The following AGMO variants were observed in gnomAD, a reference collection of about 807,000 sequenced individuals.
AGMO encodes the protein glyceryl-ether monooxygenase.
A neutral mutation model predicts 60.2 loss-of-function variants in AGMO; 75 were observed. That is an observed-to-expected ratio of 1.25 (90% CI 1.03 to 1.51). The LOEUF (loss-of-function observed/expected upper bound fraction) is 1.51. Ranked by LOEUF, AGMO falls within the 40% of genes most tolerant of loss-of-function variation. The pLI is 0.00. For missense variants in AGMO, 763 were observed against 525.5 expected, an observed-to-expected ratio of 1.45 and a Z score of -4.42; for synonymous variants, 261 against 177.1, an observed-to-expected ratio of 1.47 and a Z score of -3.76.
intron 12 of AGMO, among the ~76,000 whole-genome samples, chr7:15,299,867 ACACACACACACACACACAC>A (rs1563075534): frequency 1.8e-4 from 27 of 151,188 alleles, no homozygotes; most frequent in South Asian, 6.3e-4. Context: ...ACACACACAC[ACACACACACACACACACAC>A]AGTATGTTTT....
chr7:15,486,117 G>C (rs1312378079), intron 3 of AGMO, among the ~76,000 whole-genome samples: 2 of 152,106 alleles, frequency 1.3e-5, no homozygotes, highest in East Asian at 3.9e-4. Flanking sequence ...ATAACATTTG[G>C]AGATAACGCA....
chr7:15,544,389 A>C (rs975056222), intron 3 of AGMO, among the ~76,000 whole-genome samples: 1 of 152,084 alleles, frequency 6.6e-6, no homozygotes, highest in African/African-American at 2.4e-5. Flanking sequence ...AAACACAAAC[A>C]AAAAAACCTT....
chr7:15,172,285 C>T, the AGMO span, among the ~76,000 whole-genome samples: 1 of 152,216 alleles, frequency 6.6e-6, no homozygotes, highest in South Asian at 2.1e-4. Flanking sequence ...CGTCCCCAGA[C>T]ATCAAGTGAA....
rs932785469 is a variant in AGMO, at chr7:15,465,578, C to T, written c.410-34470G>A. Among the ~76,000 whole-genome samples the T allele has an allele frequency of 5.6e-5, 8 of 143,984 alleles. No individual in the cohort carries two copies. In the Middle Eastern group the frequency reaches 0.014, roughly 261 times the overall value. 94.5% of individuals were successfully genotyped at this position (143,984 alleles called of 152,430 possible). A position where few individuals can be genotyped will look rare whatever the true frequency, so the allele number is the denominator to read the frequency against. On this transcript the variant is annotated intron_variant, in intron 3 of 12. Coordinates refer to ENST00000342526, the MANE Select transcript of AGMO (RefSeq NM_001004320.2). ...CTCGGACCACAGGCACGTGCTACCA[C>T]GTCCGGCTAATTATATATATATATT...
At chr7:15,159,151 AG>A in the AGMO span, among the ~76,000 whole-genome samples, 4 of 152,166 alleles carry the variant, frequency 2.6e-5, no homozygotes, top group African/African-American at 9.7e-5. Context: ...ACAAAAGTAC[AG>A]GTCCCTCAAC....
intron 5 of AGMO, among the ~76,000 whole-genome samples, chr7:15,402,496 C>T (rs62439265): frequency 0.28 from 41,722 of 150,722 alleles, 6,602 homozygotes; most frequent in Middle Eastern, 0.38. Flanking sequence ...TATTTCTGTG[C>T]TCCTTCAATA....
intron 12 of AGMO, among the ~76,000 whole-genome samples, chr7:15,214,932 T>C (rs921318251): frequency 6.6e-6 from 1 of 152,098 alleles, no homozygotes. Flanking sequence ...TTTTTGTATC[T>C]CTTGCTATTT....
chr7:15,267,812 C>A (rs2128512127), intron 12 of AGMO, among the ~76,000 whole-genome samples: 1 of 151,970 alleles, frequency 6.6e-6, no homozygotes, highest in East Asian at 1.9e-4. Context: ...TCTTGTTTCC[C>A]AAAACGCTAA....
At chr7:15,282,434 G>A (rs1347370031) in intron 12 of AGMO, among the ~76,000 whole-genome samples, 1 of 152,146 alleles carries the variant, frequency 6.6e-6, no homozygotes, top group African/African-American at 2.4e-5. Flanking sequence ...ACAAAATGTA[G>A]TGGAATGTTT....
chr7:15,184,094 A>G, the AGMO span, among the ~76,000 whole-genome samples: 1 of 152,192 alleles, frequency 6.6e-6, no homozygotes, highest in South Asian at 2.1e-4. Flanking sequence ...ATTTTAACAG[A>G]TACCATATAC....
chr7:15,216,738 G>A (rs1781748046), intron 12 of AGMO, among the ~76,000 whole-genome samples: 1 of 151,776 alleles, frequency 6.6e-6, no homozygotes, highest in Non-Finnish European at 1.5e-5. Context: ...TTACTGCATG[G>A]GAGATTTAAG....
intron 12 of AGMO, among the ~76,000 whole-genome samples, chr7:15,292,751 CTTTT>C (rs765222435): frequency 1.1e-4 from 10 of 95,124 alleles, no homozygotes; most frequent in African/African-American, 3.7e-4. Flanking sequence ...TTTTTTTTTC[CTTTT>C]TTTTTTTTTT....
chr7:15,375,745 G>GC (rs2128568432), intron 10 of AGMO, among the ~76,000 whole-genome samples: 1 of 152,114 alleles, frequency 6.6e-6, no homozygotes, highest in South Asian at 2.1e-4. Context: ...AAAGAACTGC[G>GC]CATTTAGACT....
At chr7:15,265,611 T>TAA (rs111422194) in intron 12 of AGMO, among the ~76,000 whole-genome samples, 2 of 149,352 alleles carry the variant, frequency 1.3e-5, no homozygotes, top group Non-Finnish European at 3.0e-5. Flanking sequence ...TGGATACAAT[T>TAA]AAAAAAAAAA....
the AGMO span, among the ~76,000 whole-genome samples, chr7:15,161,815 G>A: frequency 6.6e-6 from 1 of 151,840 alleles, no homozygotes; most frequent in African/African-American, 2.4e-5. Context: ...CCATTTGTCT[G>A]GCATCCTGTT....
At chr7:15,300,793 A>C (rs1398198275) in intron 12 of AGMO, among the ~76,000 whole-genome samples, 1 of 152,202 alleles carries the variant, frequency 6.6e-6, no homozygotes, top group Non-Finnish European at 1.5e-5. Flanking sequence ...GCTTGTCCAA[A>C]AAAAATGACA....
rs139429952 is a variant in AGMO at position 15,482,372 on chromosome 7, C to T, written c.410-51264G>A. ...ATCTTAAAAAAAGTTAATGGGATGA[C>T]ATAATTTCATGACAATATATTTGAA... On this transcript the variant is annotated intron_variant, in intron 3 of 12. Transcript: ENST00000342526. Among the ~76,000 whole-genome samples the T allele has an allele frequency of 4.1e-3, 625 of 152,090 alleles. 5 individuals are homozygous for T. The highest frequency in any genetic ancestry group is 0.014 in the African/African-American group (590 of 41,482).
rs940913137 is a variant in AGMO, at chr7:15,254,921, T to C, written c.1264-53562A>G. On this transcript the variant is annotated intron_variant, in intron 12 of 12. Coordinates refer to ENST00000342526, the MANE Select transcript of AGMO (RefSeq NM_001004320.2). ...CTACCATAATTGAATCAAGAAGAAA[T>C]AGAAAATTTAAACAGACTAATAATG... 3.3e-5 allele frequency among the ~76,000 whole-genome samples: 5 copies of C among 151,728 alleles called. No individual in the cohort carries two copies. The East Asian group carries it at 5.8e-4, about 18-fold the overall frequency.
intron 2 of AGMO, among the ~76,000 whole-genome samples, chr7:15,547,783 GC>G (rs969630697): frequency 1.3e-5 from 2 of 151,926 alleles, no homozygotes; most frequent in East Asian, 1.9e-4. Context: ...AAACAAAGCA[GC>G]CGGGAAGCTC....
Sources: allele counts gnomAD v4.1 joint callset (sites outside exome capture counted in the v4.1 genomes callset), GRCh38; gene constraint gnomAD v4.1.1; transcripts MANE v1.5; gene names NCBI Gene and HGNC (gene_info 2026-07-23, HGNC 2026-07-21).